KCNH5: variants seen among roughly 807,000 people sequenced by gnomAD.
KCNH5 encodes voltage-gated delayed rectifier potassium channel KCNH5.
Under a neutral mutation model 96.1 loss-of-function variants are expected in KCNH5, and 46 were observed. That is an observed-to-expected ratio of 0.48 (90% confidence interval 0.38 to 0.61). The LOEUF is 0.61. Among genes scored for constraint, KCNH5 ranks in the 20% least tolerant of loss-of-function variants. KCNH5 has a pLI of 0.00. For synonymous variants in KCNH5, 439 were observed against 449.8 expected (o/e 0.98, Z 0.30); for missense variants, 907 against 1,225.8 (o/e 0.74, Z 3.88).
At chr14:62,892,259 T>C (rs1373153409) in intron 7 of KCNH5, among the ~76,000 whole-genome samples, 1 of 152,172 alleles carries the variant, frequency 6.6e-6, no homozygotes, top group Non-Finnish European at 1.5e-5. Flanking sequence ...ATCGCTGCTA[T>C]AAAGAAAATT....
At chr14:62,878,203 G>C (rs1443207385) in intron 7 of KCNH5, among the ~76,000 whole-genome samples, 2 of 59,768 alleles carry the variant, frequency 3.3e-5, no homozygotes, top group South Asian at 1.5e-3. Flanking sequence ...TGTGGGGATG[G>C]GGGGGGGGGC....
intron 10 of KCNH5, among the ~76,000 whole-genome samples, chr14:62,755,986 A>G (rs1885614719): frequency 6.6e-6 from 1 of 152,092 alleles, no homozygotes; most frequent in Non-Finnish European, 1.5e-5. Flanking sequence ...TATATTATAG[A>G]TCCACAGCTA....
chr14:62,991,241 G>A (rs959242382), intron 4 of KCNH5, among the ~76,000 whole-genome samples: 4 of 151,972 alleles, frequency 2.6e-5, no homozygotes, highest in African/African-American at 9.7e-5. Context: ...AAAATTTAAA[G>A]AAGAAAATAC....
intron 7 of KCNH5, among the ~76,000 whole-genome samples, chr14:62,906,617 C>T (rs1889032619): frequency 6.6e-6 from 1 of 152,114 alleles, no homozygotes; most frequent in African/African-American, 2.4e-5. Context: ...ATGGGCTTTT[C>T]CCCTTTGGCT....
At position 63,040,152 on chromosome 14, in the gene KCNH5, C is replaced by A. The variant is rs148546021; in HGVS notation, c.73+4962G>T. 3.9e-3 allele frequency among the ~76,000 whole-genome samples: 596 copies of A among 152,226 alleles called. 5 individuals are homozygous for A. Among genetic ancestry groups the A allele is most frequent in the African/African-American group, 0.013 (531 of 41,546 alleles). On this transcript the variant is annotated intron_variant, in intron 1 of 10. Coordinates refer to ENST00000322893, the MANE Select transcript of KCNH5 (RefSeq NM_139318.5). Reference sequence around the variant, plus strand: ...AAAGGGCTTCTTTAGGAAATCTACTCAGTCGCTATCAATTAAAATAATCAT... The same window carrying A: ...AAAGGGCTTCTTTAGGAAATCTACTAAGTCGCTATCAATTAAAATAATCAT...
intron 1 of KCNH5, among the ~76,000 whole-genome samples, chr14:63,031,985 T>C (rs1380976753): frequency 2.0e-5 from 3 of 151,196 alleles, no homozygotes; most frequent in East Asian, 3.9e-4. Context: ...CAGAGAGAAA[T>C]ATTTCAGAGG....
intron 7 of KCNH5, among the ~76,000 whole-genome samples, chr14:62,883,510 T>G (rs1395291244): frequency 2.6e-5 from 4 of 152,150 alleles, no homozygotes; most frequent in Non-Finnish European, 4.4e-5. Flanking sequence ...ATCAGGATGC[T>G]GGCAATCTAG....
chr14:62,892,164 T>C (rs992646390), intron 7 of KCNH5, among the ~76,000 whole-genome samples: 2 of 152,184 alleles, frequency 1.3e-5, no homozygotes, highest in African/African-American at 2.4e-5. Flanking sequence ...AGCCAAGTTG[T>C]GAATGCAAAG....
At chr14:62,959,284 A>G (rs1040742182) in intron 6 of KCNH5, among the ~76,000 whole-genome samples, 1 of 152,160 alleles carries the variant, frequency 6.6e-6, no homozygotes, top group African/African-American at 2.4e-5. Context: ...CCACTGGATT[A>G]TTTTGAAGCA....
intron 7 of KCNH5, among the ~76,000 whole-genome samples, chr14:62,941,308 G>C (rs145450614): frequency 2.0e-4 from 30 of 152,254 alleles, no homozygotes; most frequent in African/African-American, 6.0e-4. Context: ...GACTAGGAAT[G>C]AAAAGAAAGA....
At chr14:62,822,483 G>A (rs1887134984) in intron 8 of KCNH5, among the ~76,000 whole-genome samples, 1 of 152,008 alleles carries the variant, frequency 6.6e-6, no homozygotes, top group Non-Finnish European at 1.5e-5. Context: ...GCTCAACTAA[G>A]TTTTTACCAA....
intron 7 of KCNH5, among the ~76,000 whole-genome samples, chr14:62,889,803 A>G (rs977133555): frequency 6.6e-6 from 1 of 152,258 alleles, no homozygotes; most frequent in Admixed American, 6.5e-5. Flanking sequence ...AATTGAATGT[A>G]TAACTACATA....
chr14:62,908,073 C>A (rs1889063933), intron 7 of KCNH5, among the ~76,000 whole-genome samples: 1 of 152,150 alleles, frequency 6.6e-6, no homozygotes, highest in Non-Finnish European at 1.5e-5. Context: ...ATACATACTA[C>A]ACAAACTTTT....
intron 10 of KCNH5, among the ~76,000 whole-genome samples, chr14:62,744,674 G>A (rs180790928): frequency 1.5e-4 from 23 of 152,264 alleles, no homozygotes; most frequent in African/African-American, 2.6e-4. Flanking sequence ...TTATAGATTC[G>A]TAAGTAGATA....
intron 8 of KCNH5, among the ~76,000 whole-genome samples, chr14:62,810,882 T>G (rs1886859778): frequency 3.9e-5 from 6 of 152,078 alleles, no homozygotes; most frequent in Non-Finnish European, 7.4e-5. Flanking sequence ...GAATTCTTTC[T>G]TGCATGAGAT....
At chr14:62,764,817 A>T (rs1885825721) in intron 10 of KCNH5, among the ~76,000 whole-genome samples, 2 of 152,214 alleles carry the variant, frequency 1.3e-5, no homozygotes, top group African/African-American at 4.8e-5. Flanking sequence ...CTAACCAGGG[A>T]GGTGAAAGAC....
chr14:62,887,899 T>C (rs1185059219), intron 7 of KCNH5, among the ~76,000 whole-genome samples: 1 of 152,208 alleles, frequency 6.6e-6, no homozygotes, highest in African/African-American at 2.4e-5. Context: ...TGTGTTGAAC[T>C]ATGTAGCCTC....
At chr14:62,991,856 T>A (rs950661890) in intron 4 of KCNH5, among the ~76,000 whole-genome samples, 1 of 152,092 alleles carries the variant, frequency 6.6e-6, no homozygotes, top group Non-Finnish European at 1.5e-5. Flanking sequence ...TATAAAGTTA[T>A]GAGGTACAAG....
At chr14:62,737,463 G>A (rs1008871021) in intron 10 of KCNH5, among the ~76,000 whole-genome samples, 1 of 152,172 alleles carries the variant, frequency 6.6e-6, no homozygotes, top group Admixed American at 6.6e-5. Context: ...CCTTAGGTAA[G>A]TAGAGTCTCA....
Sources: allele counts gnomAD v4.1 joint callset (sites outside exome capture counted in the v4.1 genomes callset), GRCh38; gene constraint gnomAD v4.1.1; transcripts MANE v1.5; gene names NCBI Gene and HGNC (gene_info 2026-07-23, HGNC 2026-07-21).